Variants in ANKS1B observed in about 807,000 individuals in gnomAD.
ANKS1B encodes the protein ankyrin repeat and sterile alpha motif domain-containing protein 1B.
A neutral mutation model predicts 148.3 loss-of-function variants in ANKS1B; 36 were observed. That is an observed-to-expected ratio of 0.24 (90% CI 0.19 to 0.32). The LOEUF (loss-of-function observed/expected upper bound fraction) is 0.32. Among genes scored for constraint, ANKS1B ranks in the 10% least tolerant of loss-of-function variants. The pLI, the probability that ANKS1B is intolerant of heterozygous loss-of-function variation, is 1.00. For missense variants in ANKS1B, 1,157 were observed against 1,542.6 expected, an observed-to-expected ratio of 0.75 and a Z score of 4.19; for synonymous variants, 542 against 560.8, an observed-to-expected ratio of 0.97 and a Z score of 0.47.
At chr12:99,312,782 G>A (rs1053751844) in intron 12 of ANKS1B, among the ~76,000 whole-genome samples, 1 of 152,096 alleles carries the variant, frequency 6.6e-6, no homozygotes, top group African/African-American at 2.4e-5. Context: ...TGTGTTAAGA[G>A]GGAAATTTAT....
At chr12:99,508,388 A>C (rs1237225456) in intron 9 of ANKS1B, among the ~76,000 whole-genome samples, 1 of 151,856 alleles carries the variant, frequency 6.6e-6, no homozygotes, top group African/African-American at 2.4e-5. Context: ...AAGAGATGAT[A>C]ATGAGAATGG....
chr12:98,905,639 G>A (rs2099777981), intron 17 of ANKS1B, among the ~76,000 whole-genome samples: 1 of 152,044 alleles, frequency 6.6e-6, no homozygotes, highest in Admixed American at 6.6e-5. Context: ...TGGCATGGTG[G>A]TGCACACCTG....
At chr12:99,614,921 T>A (rs1337554353) in intron 9 of ANKS1B, among the ~76,000 whole-genome samples, 1 of 149,896 alleles carries the variant, frequency 6.7e-6, no homozygotes, top group Non-Finnish European at 1.5e-5. Context: ...TAGTTTAAGG[T>A]TTTTCCAGTC....
At chr12:99,330,071 T>C (rs1030128265) in intron 12 of ANKS1B, among the ~76,000 whole-genome samples, 4 of 151,964 alleles carry the variant, frequency 2.6e-5, no homozygotes, top group Non-Finnish European at 5.9e-5. Flanking sequence ...TATCAGAATC[T>C]GTTCTGCTTA....
At chr12:99,676,186 A>C (rs77440880) in intron 8 of ANKS1B, among the ~76,000 whole-genome samples, 2,329 of 152,146 alleles carry the variant, frequency 0.015, 62 homozygotes, top group African/African-American at 0.053. Flanking sequence ...CCATTGTTTT[A>C]AGTTTCCTGA....
At chr12:99,094,633 G>A (rs1474646428) in intron 15 of ANKS1B, among the ~76,000 whole-genome samples, 1 of 152,174 alleles carries the variant, frequency 6.6e-6, no homozygotes, top group African/African-American at 2.4e-5. Context: ...GACATTCCAG[G>A]CAGAAATAAC....
At chr12:98,990,056 G>A (rs2099925676) in intron 17 of ANKS1B, among the ~76,000 whole-genome samples, 1 of 152,068 alleles carries the variant, frequency 6.6e-6, no homozygotes, top group African/African-American at 2.4e-5. Context: ...AAGAAAGAAA[G>A]TCATTGGTAT....
At chr12:98,907,840 A>G (rs111226430) in intron 17 of ANKS1B, among the ~76,000 whole-genome samples, 2,054 of 152,248 alleles carry the variant, frequency 0.013, 39 homozygotes, top group African/African-American at 0.046. Flanking sequence ...TGATGATTTT[A>G]TAAGGGGTTT....
intron 9 of ANKS1B, among the ~76,000 whole-genome samples, chr12:99,602,971 C>T (rs1015954855): frequency 6.6e-5 from 10 of 152,014 alleles, no homozygotes; most frequent in Non-Finnish European, 1.3e-4. Context: ...TCAAAGTAGA[C>T]TGATTTGTTT....
At chr12:99,785,197 CTT>C (rs11313851) in intron 4 of ANKS1B, among the ~76,000 whole-genome samples, 15 of 137,324 alleles carry the variant, frequency 1.1e-4, no homozygotes, top group African/African-American at 2.9e-4. Flanking sequence ...TTAGTTGTCT[CTT>C]TTTTTTTTTT....
At chr12:99,665,460 T>C (rs917363812) in intron 8 of ANKS1B, among the ~76,000 whole-genome samples, 10 of 152,094 alleles carry the variant, frequency 6.6e-5, no homozygotes, top group Non-Finnish European at 1.2e-4. Flanking sequence ...GAAGTACCTT[T>C]ACACATTTTT....
At chr12:98,789,424 T>TC (rs1478238075) in intron 22 of ANKS1B, among the ~76,000 whole-genome samples, 3 of 151,342 alleles carry the variant, frequency 2.0e-5, no homozygotes, top group Non-Finnish European at 4.4e-5. Flanking sequence ...GTATAGTTTT[T>TC]TTTTTTTTAT....
At chr12:99,357,098 TA>T (rs2092061374) in intron 12 of ANKS1B, among the ~76,000 whole-genome samples, 1 of 152,080 alleles carries the variant, frequency 6.6e-6, no homozygotes, top group South Asian at 2.1e-4. Context: ...TTTATGTATA[TA>T]TAAATATGTA....
chr12:98,805,205 G>A (rs1421254353), intron 20 of ANKS1B, among the ~76,000 whole-genome samples: 1 of 151,908 alleles, frequency 6.6e-6, no homozygotes, highest in South Asian at 2.1e-4. Context: ...TTTCCTTTAG[G>A]TTCATGTATT....
intron 12 of ANKS1B, among the ~76,000 whole-genome samples, chr12:99,333,854 GTTTTT>G (rs10526476): frequency 3.7e-5 from 4 of 107,484 alleles, no homozygotes; most frequent in African/African-American, 8.0e-5. Flanking sequence ...CCAGTTCTCA[GTTTTT>G]TTTTTTTTTT....
chr12:99,962,210 C>A (rs926273924), intron 1 of ANKS1B, among the ~76,000 whole-genome samples: 1 of 152,094 alleles, frequency 6.6e-6, no homozygotes, highest in Non-Finnish European at 1.5e-5. Context: ...AACCCTCCCA[C>A]CCCCATCAGG....
At chr12:99,461,872 C>A (rs1431939940) in intron 10 of ANKS1B, among the ~76,000 whole-genome samples, 1 of 152,182 alleles carries the variant, frequency 6.6e-6, no homozygotes, top group Non-Finnish European at 1.5e-5. Context: ...TATTTAATCT[C>A]TAGTAACTCA....
At chr12:99,245,597 A>G (rs1022066833) in intron 13 of ANKS1B, among the ~76,000 whole-genome samples, 1 of 152,224 alleles carries the variant, frequency 6.6e-6, no homozygotes, top group Non-Finnish European at 1.5e-5. Context: ...TCCAAATACT[A>G]TAATGATCTA....
intron 12 of ANKS1B, among the ~76,000 whole-genome samples, chr12:99,322,134 A>G (rs2085393190): frequency 6.6e-6 from 1 of 152,228 alleles, no homozygotes; most frequent in Non-Finnish European, 1.5e-5. Flanking sequence ...TAGACTGGAT[A>G]AGAAAATGTG....
Sources: allele counts gnomAD v4.1 joint callset (sites outside exome capture counted in the v4.1 genomes callset), GRCh38; gene constraint gnomAD v4.1.1; transcripts MANE v1.5; gene names NCBI Gene and HGNC (gene_info 2026-07-23, HGNC 2026-07-21).